SECISBP2L: variants seen among roughly 807,000 people sequenced by gnomAD.
SECISBP2L encodes selenocysteine insertion sequence-binding protein 2-like.
SECISBP2L carries 43 observed loss-of-function variants against 114.7 expected under a neutral mutation model. That is an observed-to-expected ratio of 0.38 (90% CI 0.29 to 0.48). The LOEUF (loss-of-function observed/expected upper bound fraction) is 0.48, where lower values mean the gene tolerates loss of function less well. SECISBP2L is among the 20% of genes least tolerant of loss of function. The probability of loss-of-function intolerance (pLI) is 0.98; values close to 1 mark genes in which losing one functional copy is unlikely to be tolerated. For missense variants in SECISBP2L, 1,136 were observed against 1,301.1 expected (o/e 0.87, Z 1.95); for synonymous variants, 451 against 439.7 (o/e 1.03, Z -0.32).
chr15:49,015,562 G>A (rs573659151), intron 11 of SECISBP2L, among the ~76,000 whole-genome samples: 4 of 152,298 alleles, frequency 2.6e-5, no homozygotes, highest in Non-Finnish European at 5.9e-5. Flanking sequence ...TGCTGGTGCT[G>A]TACATTGGTA....
At chr15:49,015,910 T>C (rs2141071738) in intron 11 of SECISBP2L, among the ~76,000 whole-genome samples, 1 of 152,294 alleles carries the variant, frequency 6.6e-6, no homozygotes, top group Non-Finnish European at 1.5e-5. Flanking sequence ...AAGCAAACTA[T>C]GCTGATACCT....
chr15:49,042,041 C>G (rs1412637218), intron 1 of SECISBP2L, among the ~76,000 whole-genome samples: 4 of 152,126 alleles, frequency 2.6e-5, no homozygotes, highest in Non-Finnish European at 5.9e-5. Flanking sequence ...GCTACCCATA[C>G]TTTTCCTTTT....
chr15:49,027,103 GATTAAAGGGC>G (rs1902759410), intron 7 of SECISBP2L, among the ~76,000 whole-genome samples: 1 of 152,124 alleles, frequency 6.6e-6, no homozygotes. Flanking sequence ...AATGAAACAG[GATTAAAGGGC>G]ATCCTTTTTT....
At chr15:49,032,738 A>G (rs1319328693) in intron 4 of SECISBP2L, among the ~76,000 whole-genome samples, 3 of 152,230 alleles carry the variant, frequency 2.0e-5, no homozygotes, top group Admixed American at 6.5e-5. Context: ...ACAAAAGGAA[A>G]GGACATCTTA....
At chr15:49,043,610 T>TTG (rs1006460248) in intron 1 of SECISBP2L, among the ~76,000 whole-genome samples, 1 of 70,724 alleles carries the variant, frequency 1.4e-5, no homozygotes, top group African/African-American at 5.6e-5. Context: ...AAATGCAAGT[T>TTG]TTTTTTTTTT....
intron 10 of SECISBP2L, 26 bp from the exon 11 acceptor site, chr15:49,016,727 T>C: frequency 6.6e-7 from 1 of 1,515,140 alleles, no homozygotes; most frequent in Admixed American, 2.2e-5. Context: ...AAAAAATTAA[T>C]TTTTTTGTTA....
At chr15:49,024,083 A>G (rs1902694079) in intron 7 of SECISBP2L, among the ~76,000 whole-genome samples, 1 of 152,042 alleles carries the variant, frequency 6.6e-6, no homozygotes, top group South Asian at 2.1e-4. Flanking sequence ...TAAAGAAATG[A>G]TCTATATTAC....
At chr15:49,002,102 C>T (rs908282052) in intron 14 of SECISBP2L, among the ~76,000 whole-genome samples, 10 of 152,180 alleles carry the variant, frequency 6.6e-5, no homozygotes, top group African/African-American at 1.9e-4. Context: ...CCTATTTCTC[C>T]GCATCCTCTC....
At chr15:49,012,627 T>C in intron 12 of SECISBP2L, 21 bp downstream of exon 12, 1 of 1,607,130 alleles carries the variant, frequency 6.2e-7, no homozygotes, top group Non-Finnish European at 8.5e-7. Context: ...AAAATAAATA[T>C]CCCACCAGAT....
intron 13 of SECISBP2L, among the ~76,000 whole-genome samples, chr15:49,010,202 T>A (rs1184073312): frequency 6.6e-6 from 1 of 151,106 alleles, no homozygotes; most frequent in Non-Finnish European, 1.5e-5. Flanking sequence ...TAGTTTTCCA[T>A]CTATTTCTTA....
intron 1 of SECISBP2L, among the ~76,000 whole-genome samples, chr15:49,039,903 A>T (rs1903089501): frequency 6.6e-6 from 1 of 152,176 alleles, no homozygotes; most frequent in Non-Finnish European, 1.5e-5. Flanking sequence ...GCTAGTAGAC[A>T]TTCGGGGTTT....
At position 49,011,633 on chromosome 15, in the gene SECISBP2L, C is replaced by T. The variant is rs146662356; in HGVS notation, c.1864+98G>A. ...AGAGATTTATGTAAAATATGGAGCACGTCTTCCAATCAGGAGCATTAACTA... is the reference window on the plus strand; with the variant it reads ...AGAGATTTATGTAAAATATGGAGCATGTCTTCCAATCAGGAGCATTAACTA... On this transcript the variant is annotated intron_variant, in intron 13 of 17. Transcript: ENST00000559471. The T allele has an allele frequency of 2.7e-3, 3,697 of 1,353,938 alleles. 13 individuals are homozygous for T. The highest frequency in any genetic ancestry group is 2.9e-3 in the Non-Finnish European group (2,877 of 980,322). The allele number at this position is 1,353,938 out of a possible 1,614,324, so 83.9% of individuals were successfully genotyped here.
chr15:49,011,704 G>T, intron 13 of SECISBP2L, 27 bp downstream of exon 13: 1 of 1,612,624 alleles, frequency 6.2e-7, no homozygotes. Flanking sequence ...CATTCCATGA[G>T]AAGAGGAGAA....
intron 17 of SECISBP2L, among the ~76,000 whole-genome samples, chr15:48,994,889 A>G (rs1902057267): frequency 6.6e-6 from 1 of 150,968 alleles, no homozygotes; most frequent in South Asian, 2.1e-4. Flanking sequence ...TTTCCCACAT[A>G]TATTTAATTA....
intron 1 of SECISBP2L, among the ~76,000 whole-genome samples, chr15:49,043,863 A>G (rs1271862585): frequency 6.6e-6 from 1 of 152,092 alleles, no homozygotes; most frequent in Non-Finnish European, 1.5e-5. Context: ...AATCTTGATC[A>G]GCACACATAC....
At chr15:49,015,325 G>T (rs536346958) in intron 11 of SECISBP2L, among the ~76,000 whole-genome samples, 22 of 152,136 alleles carry the variant, frequency 1.4e-4, no homozygotes, top group African/African-American at 5.3e-4. Flanking sequence ...ATCTCAACAT[G>T]CAACTCTAAA....
chr15:48,992,995 C>T (rs113905266), intron 17 of SECISBP2L, 69 bp from the exon 18 acceptor site: 2 of 1,321,036 alleles, frequency 1.5e-6, no homozygotes, highest in Non-Finnish European at 2.1e-6. Flanking sequence ...CTTTAAAAAC[C>T]CCCAAAAAAG....
rs780187442 is a variant in SECISBP2L, at chr15:48,992,209, C to A, written c.*35G>T. Reference sequence around the variant, plus strand: ...ATAAAAGGTAATGGCTGCAACCCTTCCACAGCTGGAGATAGAGAGCCGACA... The same window carrying A: ...ATAAAAGGTAATGGCTGCAACCCTTACACAGCTGGAGATAGAGAGCCGACA... On this transcript the variant is annotated 3_prime_UTR_variant, in exon 18 of 18. Coordinates refer to ENST00000559471, the MANE Select transcript of SECISBP2L (RefSeq NM_001193489.2). 6.4e-7 allele frequency: 1 copy of A among 1,557,822 alleles called. No homozygotes were observed. The highest frequency in any genetic ancestry group is 1.2e-5 in the South Asian group (1 of 83,618).
At chr15:49,044,200 C>T (rs1903196797) in intron 1 of SECISBP2L, among the ~76,000 whole-genome samples, 1 of 152,128 alleles carries the variant, frequency 6.6e-6, no homozygotes, top group Non-Finnish European at 1.5e-5. Flanking sequence ...GAAATTGACA[C>T]ATATTACATA....
Sources: gnomAD v4.1 joint callset for allele counts (sites outside exome capture counted in the v4.1 genomes callset) on GRCh38, gnomAD v4.1.1 for gene constraint, MANE v1.5 for transcripts, NCBI Gene and HGNC (gene_info 2026-07-23, HGNC 2026-07-21) for gene names.